Variants in PDE4B observed in about 807,000 individuals in gnomAD.
The protein encoded by PDE4B is phosphodiesterase 4B.
Under a neutral mutation model 82.2 loss-of-function variants are expected in PDE4B, and 20 were observed. That is an observed-to-expected ratio of 0.24 (90% CI 0.17 to 0.35). The LOEUF is 0.35. Among genes scored for constraint, PDE4B ranks in the 10% least tolerant of loss-of-function variants. PDE4B has a pLI of 1.00. For synonymous variants in PDE4B, 320 were observed against 318.9 expected (o/e 1.00, Z -0.04); for missense variants, 655 against 907.2 (o/e 0.72, Z 3.57).
chr1:66,135,088 A>G (rs182083376), intron 3 of PDE4B, among the ~76,000 whole-genome samples: 2 of 152,358 alleles, frequency 1.3e-5, no homozygotes, highest in Admixed American at 1.3e-4. Flanking sequence ...AGGTATCAAT[A>G]ACAGAATGAA....
chr1:65,817,271 C>T (rs1645897007), intron 1 of PDE4B, among the ~76,000 whole-genome samples: 3 of 152,180 alleles, frequency 2.0e-5, no homozygotes, highest in South Asian at 4.1e-4. Flanking sequence ...TGTAAGGGTG[C>T]TGCTTCTTGC....
chr1:66,234,097 G>A (rs949310835), intron 3 of PDE4B, among the ~76,000 whole-genome samples: 7 of 151,784 alleles, frequency 4.6e-5, no homozygotes, highest in African/African-American at 1.2e-4. Context: ...TAAATATTTC[G>A]GGCAGAAGTC....
intron 1 of PDE4B, among the ~76,000 whole-genome samples, chr1:65,894,706 A>C (rs1284074012): frequency 6.6e-6 from 1 of 152,210 alleles, no homozygotes; most frequent in African/African-American, 2.4e-5. Context: ...TTATGGGGGA[A>C]AAGTCGAACA....
At chr1:65,887,391 T>TC (rs1557799452) in intron 1 of PDE4B, among the ~76,000 whole-genome samples, 1 of 98,952 alleles carries the variant, frequency 1.0e-5, no homozygotes, top group Non-Finnish European at 1.9e-5. Context: ...CTTCCTTCTT[T>TC]TCTTTCTTTT....
chr1:65,916,252 A>G (rs1483439914), intron 2 of PDE4B, among the ~76,000 whole-genome samples: 1 of 152,176 alleles, frequency 6.6e-6, no homozygotes, highest in Non-Finnish European at 1.5e-5. Context: ...TTTTAACTTA[A>G]AGAATATTTC....
intron 3 of PDE4B, among the ~76,000 whole-genome samples, chr1:66,081,832 CTGTGTGTG>C (rs1242686089): frequency 1.5e-3 from 184 of 125,194 alleles, no homozygotes; most frequent in Middle Eastern, 8.8e-3. Context: ...CTCTCTCTCT[CTGTGTGTG>C]TGTGTGTGTG....
chr1:66,016,465 C>G (rs1182695236), intron 3 of PDE4B, among the ~76,000 whole-genome samples: 7 of 152,172 alleles, frequency 4.6e-5, no homozygotes, highest in African/African-American at 7.2e-5. Context: ...AGCTGTCAAA[C>G]TTTAACATCC....
intron 3 of PDE4B, among the ~76,000 whole-genome samples, chr1:66,105,693 G>A (rs901061664): frequency 5.9e-5 from 9 of 151,908 alleles, no homozygotes; most frequent in Admixed American, 4.6e-4. Flanking sequence ...TTTTATTCTC[G>A]TTGAAGCAAT....
At chr1:66,115,183 A>G (rs946768648) in intron 3 of PDE4B, among the ~76,000 whole-genome samples, 2 of 152,232 alleles carry the variant, frequency 1.3e-5, no homozygotes, top group African/African-American at 4.8e-5. Context: ...TCAGCAGCCC[A>G]ATATTAATTT....
In PDE4B at chr1:66,257,875, C is replaced by T. The variant is rs1361042865; in HGVS notation, c.584+12C>T. The T allele has an allele frequency of 6.2e-7, 1 of 1,601,398 alleles. No homozygotes were observed. The highest frequency in any genetic ancestry group is 8.6e-7 in the Non-Finnish European group (1 of 1,168,988). On this transcript the variant is annotated intron_variant, in intron 6 of 16. Transcript: ENST00000341517. ...GGTACATCTAACAAGTAAGGATTGA[C>T]TTTTTTGTGGAGTTTGAATCCCTAA...
intron 3 of PDE4B, among the ~76,000 whole-genome samples, chr1:66,122,029 T>C (rs1030647419): frequency 6.6e-6 from 1 of 152,008 alleles, no homozygotes; most frequent in Non-Finnish European, 1.5e-5. Context: ...CTTTCTCCTT[T>C]CTCCCTCACT....
chr1:66,253,396 T>C (rs534459596), intron 4 of PDE4B, among the ~76,000 whole-genome samples: 1 of 152,350 alleles, frequency 6.6e-6, no homozygotes, highest in Admixed American at 6.5e-5. Context: ...AGAAAATCAT[T>C]TTATTGTTTA....
chr1:66,271,786 C>A (rs151257473), intron 7 of PDE4B, among the ~76,000 whole-genome samples: 1 of 152,332 alleles, frequency 6.6e-6, no homozygotes, highest in Non-Finnish European at 1.5e-5. Context: ...ACATTTTGCT[C>A]TACACAGCCT....
chr1:66,297,936 T>C (rs1203544577), intron 7 of PDE4B, among the ~76,000 whole-genome samples: 1 of 152,140 alleles, frequency 6.6e-6, no homozygotes, highest in Non-Finnish European at 1.5e-5. Flanking sequence ...TATGACTAGG[T>C]TGGTGAACAA....
chr1:66,327,929 A>G (rs764951145), intron 7 of PDE4B, among the ~76,000 whole-genome samples: 2 of 152,226 alleles, frequency 1.3e-5, no homozygotes, highest in Admixed American at 6.5e-5. Flanking sequence ...TTCATAGACC[A>G]AGATATAGTC....
chr1:65,954,429 C>G (rs1649155052), intron 3 of PDE4B, among the ~76,000 whole-genome samples: 2 of 152,028 alleles, frequency 1.3e-5, no homozygotes, highest in African/African-American at 4.8e-5. Flanking sequence ...TTAAAGAATA[C>G]TGGATTAAGA....
intron 16 of PDE4B, among the ~76,000 whole-genome samples, chr1:66,370,988 C>T (rs1288171827): frequency 6.7e-6 from 1 of 148,464 alleles, no homozygotes; most frequent in Non-Finnish European, 1.5e-5. Context: ...CTTTTTAAGG[C>T]TAGGAAAGCA....
At chr1:65,992,765 A>T in intron 3 of PDE4B, 1 of 1,403,218 alleles carries the variant, frequency 7.1e-7, no homozygotes, top group Non-Finnish European at 9.2e-7. Flanking sequence ...TTGCTCTAAG[A>T]CGCTCATACA....
intron 3 of PDE4B, among the ~76,000 whole-genome samples, chr1:65,998,279 A>G (rs1651662521): frequency 6.6e-6 from 1 of 152,192 alleles, no homozygotes; most frequent in Non-Finnish European, 1.5e-5. Flanking sequence ...GTGAAAATAC[A>G]CATAGTTCAC....
Sources: gnomAD v4.1 joint callset for allele counts (sites outside exome capture counted in the v4.1 genomes callset) on GRCh38, gnomAD v4.1.1 for gene constraint, MANE v1.5 for transcripts, NCBI Gene and HGNC (gene_info 2026-07-23, HGNC 2026-07-21) for gene names.